SGCD: variants seen among roughly 807,000 people sequenced by gnomAD.
SGCD encodes delta-sarcoglycan.
A neutral mutation model predicts 36.6 loss-of-function variants in SGCD; 18 were observed. The observed-to-expected ratio is 0.49, with a 90% CI of 0.34 to 0.73. The LOEUF (loss-of-function observed/expected upper bound fraction) is 0.73. SGCD is among the 30% of genes least tolerant of loss of function. SGCD has a pLI of 0.01. For synonymous variants in SGCD, 133 were observed against 130.6 expected (o/e 1.02, Z -0.12); for missense variants, 387 against 346.7 (o/e 1.12, Z -0.92).
intron 3 of SGCD, among the ~76,000 whole-genome samples, chr5:156,279,923 C>G (rs1766407775): frequency 6.6e-6 from 1 of 151,960 alleles, no homozygotes. Flanking sequence ...ATTTCCACCA[C>G]TCTGTGAAAT....
rs941323004 is a variant in SGCD, at chr5:156,764,855, C to G, written c.*5465C>G. ...TCACTGCTGCTCCTCAACTTCAGCC[C>G]AGCAAGCAGTAATATCATCACCCAT... On this transcript the variant is annotated 3_prime_UTR_variant, in exon 9 of 9. Transcript: ENST00000337851. 1 of 152,268 alleles carries G rather than the reference C, an allele frequency of 6.6e-6. No homozygotes were observed. Among genetic ancestry groups the G allele is most frequent in the East Asian group, 1.9e-4 (1 of 5,198 alleles). 9.4% of individuals were successfully genotyped at this position (152,268 alleles called of 1,614,324 possible).
At chr5:156,684,582 G>A (rs757942159) in intron 7 of SGCD, among the ~76,000 whole-genome samples, 1 of 152,104 alleles carries the variant, frequency 6.6e-6, no homozygotes, top group Non-Finnish European at 1.5e-5. Flanking sequence ...CCTTTTGTAA[G>A]GCTTCTGTGA....
At chr5:156,250,435 C>T (rs183480245) in intron 3 of SGCD, among the ~76,000 whole-genome samples, 18 of 152,190 alleles carry the variant, frequency 1.2e-4, no homozygotes, top group Admixed American at 8.5e-4. Context: ...TTGCTTTACC[C>T]AGTATAATTT....
At chr5:155,902,012 A>G (rs1428590901) in intron 1 of SGCD, among the ~76,000 whole-genome samples, 2 of 152,308 alleles carry the variant, frequency 1.3e-5, no homozygotes, top group East Asian at 3.9e-4. Context: ...TATTTTAAAA[A>G]TTAAACAATC....
At chr5:156,032,317 C>T (rs1759365975) in intron 1 of SGCD, among the ~76,000 whole-genome samples, 3 of 151,984 alleles carry the variant, frequency 2.0e-5, no homozygotes, top group Admixed American at 2.0e-4. Flanking sequence ...CTCACCCTGT[C>T]TATGGGTTGT....
At chr5:156,238,944 C>T (rs936089548) in intron 3 of SGCD, among the ~76,000 whole-genome samples, 7 of 152,184 alleles carry the variant, frequency 4.6e-5, no homozygotes, top group African/African-American at 1.4e-4. Context: ...GGGGTTTGGC[C>T]TGTCCAAGAA....
At chr5:156,333,837 T>C (rs926441898) in intron 2 of SGCD, among the ~76,000 whole-genome samples, 1 of 134,460 alleles carries the variant, frequency 7.4e-6, no homozygotes, top group Admixed American at 8.0e-5. Flanking sequence ...TGTCTCTAAG[T>C]ATTGCTCAAA....
chr5:156,525,815 C>G (rs1757620880), intron 4 of SGCD, among the ~76,000 whole-genome samples: 1 of 152,046 alleles, frequency 6.6e-6, no homozygotes, highest in South Asian at 2.1e-4. Context: ...CCTGTTTTCT[C>G]AGCACCATTT....
At chr5:155,889,125 G>A (rs2113311076) in intron 1 of SGCD, among the ~76,000 whole-genome samples, 1 of 152,268 alleles carries the variant, frequency 6.6e-6, no homozygotes, top group South Asian at 2.1e-4. Context: ...TTCTTGGAGA[G>A]CAAAGAGCAT....
intron 3 of SGCD, among the ~76,000 whole-genome samples, chr5:156,227,107 T>C (rs1764880703): frequency 6.6e-6 from 1 of 152,192 alleles, no homozygotes; most frequent in Non-Finnish European, 1.5e-5. Context: ...TTTAATTAAG[T>C]TGCAGCTATA....
intron 3 of SGCD, among the ~76,000 whole-genome samples, chr5:156,439,213 CTT>C (rs767474390): frequency 3.3e-5 from 5 of 152,112 alleles, no homozygotes; most frequent in African/African-American, 7.2e-5. Context: ...TTTGCAACCC[CTT>C]TTTCCATTTG....
chr5:156,349,584 T>TA (rs570198689), intron 3 of SGCD, among the ~76,000 whole-genome samples: 332 of 151,812 alleles, frequency 2.2e-3, no homozygotes, highest in Non-Finnish European at 3.5e-3. Context: ...TAATAAAAAT[T>TA]AAAAAAAATA....
intron 1 of SGCD, among the ~76,000 whole-genome samples, chr5:155,974,439 A>G (rs1465387277): frequency 1.3e-5 from 2 of 152,032 alleles, no homozygotes; most frequent in Admixed American, 6.5e-5. Context: ...CCAGGGTATC[A>G]TGTATCATGA....
chr5:156,001,180 T>C (rs187452769), intron 1 of SGCD, among the ~76,000 whole-genome samples: 95 of 152,202 alleles, frequency 6.2e-4, no homozygotes, highest in South Asian at 1.0e-3. Context: ...GGAGTTGATA[T>C]ATAAATGGTT....
rs182567689 is a variant in SGCD at position 156,759,684 on chromosome 5, T to C, written c.*294T>C. On this transcript the variant is annotated 3_prime_UTR_variant, in exon 9 of 9. Coordinates refer to ENST00000337851, the MANE Select transcript of SGCD (RefSeq NM_000337.6). ...TTCCATCCCATCCCCACCACCTGAG[T>C]GACAGAAATCTAAACACACATCCGT... The C allele has an allele frequency of 6.5e-6, 1 of 152,712 alleles. No individual in the cohort carries two copies. The highest frequency in any genetic ancestry group is 1.9e-4 in the East Asian group (1 of 5,214). The allele number at this position is 152,712 out of a possible 1,614,324, so 9.5% of individuals were successfully genotyped here.
intron 3 of SGCD, among the ~76,000 whole-genome samples, chr5:156,219,474 A>C (rs973850948): frequency 1.3e-5 from 2 of 152,128 alleles, no homozygotes; most frequent in African/African-American, 4.8e-5. Context: ...CAAGAATGAA[A>C]ATTCTGAAAA....
intron 1 of SGCD, among the ~76,000 whole-genome samples, chr5:155,892,962 C>T (rs945617296): frequency 3.9e-5 from 6 of 152,050 alleles, no homozygotes; most frequent in South Asian, 2.1e-4. Flanking sequence ...AGAATAATGG[C>T]GGTGGTTTGG....
At chr5:156,142,068 T>C (rs1249811025) in intron 3 of SGCD, among the ~76,000 whole-genome samples, 1 of 152,110 alleles carries the variant, frequency 6.6e-6, no homozygotes, top group African/African-American at 2.4e-5. Context: ...TTTCTCATGG[T>C]TTAGCAGCAT....
intron 3 of SGCD, among the ~76,000 whole-genome samples, chr5:156,320,042 G>A (rs1767616106): frequency 6.6e-6 from 1 of 151,768 alleles, no homozygotes; most frequent in Admixed American, 6.6e-5. Flanking sequence ...CCCTTATAAA[G>A]ATAAATCATT....
Sources: gnomAD v4.1 joint callset for allele counts (sites outside exome capture counted in the v4.1 genomes callset) on GRCh38, gnomAD v4.1.1 for gene constraint, MANE v1.5 for transcripts, NCBI Gene and HGNC (gene_info 2026-07-23, HGNC 2026-07-21) for gene names.